Variants in ZNF729 observed in about 807,000 individuals in gnomAD.
The protein encoded by ZNF729 is zinc finger protein 729.
Under a neutral mutation model 12.2 loss-of-function variants are expected in ZNF729, and 15 were observed. The observed-to-expected ratio is 1.23, with a 90% confidence interval of 0.82 to 1.89. The LOEUF is 1.89. Ranked by LOEUF, ZNF729 falls within the 40% of genes most tolerant of loss-of-function variation. ZNF729 has a pLI of 0.00. For synonymous variants in ZNF729, 492 were observed against 476.3 expected (o/e 1.03, Z -0.43); for missense variants, 1,540 against 1,456.7 (o/e 1.06, Z -0.93).
In ZNF729 at chr19:22,314,578, G is replaced by A. The variant is rs756350745; in HGVS notation, c.1161G>A (p.Trp387Ter). The A allele has an allele frequency of 6.9e-5, 111 of 1,609,358 alleles. 1 individual carries two copies. Among genetic ancestry groups the A allele is most frequent in the Non-Finnish European group, 9.2e-5 (108 of 1,179,404 alleles). The change falls in exon 4 of 4, where the codon TGG becomes TGA. Residue 387 changes from tryptophan (W) to a stop codon, truncating the protein, a stop_gained. Transcript: ENST00000601693. LOFTEE classifies it low-confidence loss of function (END_TRUNC). ...KCEECGKAFKWSSKLTVHKVV... is the reference protein window; with the variant it reads ...KCEECGKAFK ...AAGAATGTGGTAAAGCTTTTAAGTG[G>A]TCTTCAAAACTTACTGTACATAAGG...
intron 3 of ZNF729, among the ~76,000 whole-genome samples, chr19:22,309,038 G>C (rs1418321991): frequency 6.6e-6 from 1 of 152,154 alleles, no homozygotes. Context: ...ATAGTTTCAG[G>C]TCTTAGATTT....
rs763634682 is a variant in ZNF729, at chr19:22,316,897, C to G, written c.3480C>G (p.Tyr1160Ter). Residue 1160 changes from tyrosine (Y) to a stop codon, truncating the protein, a stop_gained, in exon 4 of 4, where the codon TAC becomes TAG. Coordinates refer to ENST00000601693, the MANE Select transcript of ZNF729 (RefSeq NM_001242680.2). LOFTEE classifies it low-confidence loss of function (END_TRUNC). ...HKIIHSVEKP[Y>*]KCEECGKAFN... The stretch of plus-strand genomic sequence containing the variant: ...TAATTCATTCTGTAGAGAAACCCTA[C>G]AAATGTGAAGAATGTGGCAAAGCCT... 6.2e-7 allele frequency: 1 copy of G among 1,612,940 alleles called. No homozygotes were observed. Among genetic ancestry groups the G allele is most frequent in the Non-Finnish European group, 8.5e-7 (1 of 1,179,950 alleles).
Position 22,315,620 on chromosome 19 carries a change from A to T in ZNF729, c.2203A>T (p.Thr735Ser), listed in dbSNP as rs1968522450. ...ACTTACTGTACATAAGGTAATTCATACTGCAGAGAAACCCTGCAAATGTGA... is the reference window on the plus strand; with the variant it reads ...ACTTACTGTACATAAGGTAATTCATTCTGCAGAGAAACCCTGCAAATGTGA... ...SKLTVHKVIH[T>S]AEKPCKCEEC... Residue 735 changes from threonine (T) to serine (S), a missense_variant, in exon 4 of 4, where the codon ACT (threonine) becomes TCT (serine). Physicochemically the swap from Thr to Ser is moderately conservative, Grantham distance 58. Transcript: ENST00000601693. 1 of 1,609,120 alleles carries T rather than the reference A, an allele frequency of 6.2e-7. No individual in the cohort carries two copies. The highest frequency in any genetic ancestry group is 8.5e-7 in the Non-Finnish European group (1 of 1,179,154).
chr19:22,305,114 A>G (rs1008031484), intron 3 of ZNF729, among the ~76,000 whole-genome samples: 2 of 152,150 alleles, frequency 1.3e-5, no homozygotes, highest in Non-Finnish European at 2.9e-5. Context: ...TTGAGAAACT[A>G]TGTTAAAAGA....
intron 3 of ZNF729, among the ~76,000 whole-genome samples, chr19:22,307,724 CAA>C (rs1968397424): frequency 9.3e-6 from 1 of 107,232 alleles, no homozygotes; most frequent in South Asian, 3.1e-4. Context: ...GCCTGGGCAA[CAA>C]GAGCAAAACT....
chr19:22,299,686 A>G (rs1968279919), intron 1 of ZNF729: 1 of 152,822 alleles, frequency 6.5e-6, no homozygotes, highest in Admixed American at 6.6e-5. Context: ...ACAGTGAGAA[A>G]TTTTGGAGCT....
Position 22,315,723 on chromosome 19 carries a change from A to C in ZNF729, c.2306A>C (p.Lys769Thr). Residue 769 changes from lysine to threonine, a missense_variant, in exon 4 of 4, where the codon AAA becomes ACA. Lys to Thr is a moderately conservative substitution (Grantham distance 78). Transcript: ENST00000601693. ...ATTCATACTAGGGAGAAATTGTACAAATGTGAAGAATGTGTCAAAGCTTTT... is the reference window on the plus strand; with the variant it reads ...ATTCATACTAGGGAGAAATTGTACACATGTGAAGAATGTGTCAAAGCTTTT... ...KVIHTREKLY[K>T]CEECVKAFNS... 6.2e-7 allele frequency: 1 copy of C among 1,605,718 alleles called. No individual in the cohort carries two copies. The highest frequency in any genetic ancestry group is 8.5e-7 in the Non-Finnish European group (1 of 1,177,662).
intron 3 of ZNF729, among the ~76,000 whole-genome samples, chr19:22,312,440 T>TTGTGTGTGTGTG (rs138264785): frequency 0.075 from 10,802 of 144,468 alleles, 516 homozygotes; most frequent in East Asian, 0.12. Flanking sequence ...TTGTCTGAAA[T>TTGTGTGTGTGTG]TGTGTGTGTG....
At chr19:22,294,055 A>G (rs1488175297) in intron 1 of ZNF729, among the ~76,000 whole-genome samples, 5 of 152,132 alleles carry the variant, frequency 3.3e-5, no homozygotes, top group Non-Finnish European at 5.9e-5. Context: ...TCCCATGTCT[A>G]GAATGGTATT....
intron 1 of ZNF729, among the ~76,000 whole-genome samples, chr19:22,287,446 A>T (rs532235691): frequency 6.6e-6 from 1 of 151,820 alleles, no homozygotes; most frequent in South Asian, 2.1e-4. Flanking sequence ...TTGTATTTTT[A>T]GTAGAGACGG....
chr19:22,315,385 C>T lies in ZNF729; in HGVS notation c.1968C>T (p.Tyr656=), dbSNP rs1409647016. ...CAATTCATACTGGAGAGAAACCTTA[C>T]AAATGTGAAGAATGTGGCAAAGCTT... ...HKAIHTGEKP[Y]KCEECGKAFS... The change falls in exon 4 of 4, where the codon TAC becomes TAT. Residue 656 remains tyrosine, a synonymous_variant. Transcript: ENST00000601693. The T allele has an allele frequency of 1.9e-6, 3 of 1,613,434 alleles. No individual in the cohort carries two copies. The highest frequency in any genetic ancestry group is 2.7e-5 in the African/African-American group (2 of 74,914).
chr19:22,315,718 G>A lies in ZNF729; in HGVS notation c.2301G>A (p.Leu767=). The change falls in exon 4 of 4, where the codon TTG becomes TTA. Residue 767 remains leucine (L), a synonymous_variant. Coordinates refer to ENST00000601693, the MANE Select transcript of ZNF729 (RefSeq NM_001242680.2). ...KHKVIHTREK[L]YKCEECVKAF... ...AGGTAATTCATACTAGGGAGAAATTGTACAAATGTGAAGAATGTGTCAAAG... is the reference window on the plus strand; with the variant it reads ...AGGTAATTCATACTAGGGAGAAATTATACAAATGTGAAGAATGTGTCAAAG... The A allele has an allele frequency of 1.9e-6, 3 of 1,602,696 alleles. No homozygotes were observed. The South Asian group carries it at 3.3e-5, about 18-fold the overall frequency.
chr19:22,292,420 TTTG>T (rs1273210399), intron 1 of ZNF729, among the ~76,000 whole-genome samples: 36 of 152,308 alleles, frequency 2.4e-4, no homozygotes, highest in South Asian at 6.2e-4. Flanking sequence ...TGTACCATAT[TTTG>T]TTTTCATTAA....
chr19:22,294,170 T>G (rs151290878), intron 1 of ZNF729, among the ~76,000 whole-genome samples: 14 of 152,234 alleles, frequency 9.2e-5, no homozygotes, highest in Non-Finnish European at 1.9e-4. Flanking sequence ...GGGGTCCAGT[T>G]TCAATTTTCT....
intron 1 of ZNF729, among the ~76,000 whole-genome samples, chr19:22,290,193 C>G (rs1359249917): frequency 6.6e-6 from 1 of 152,262 alleles, no homozygotes; most frequent in Middle Eastern, 3.4e-3. Flanking sequence ...TGCAGATATT[C>G]CAGCCTGCTC....
In ZNF729 at chr19:22,316,261, C is replaced by T. The variant is rs1185954412; in HGVS notation, c.2844C>T (p.Ser948=). 2.5e-6 allele frequency: 4 copies of T among 1,613,552 alleles called. No individual in the cohort carries two copies. The African/African-American group carries it at 5.3e-5, about 22-fold the overall frequency. The stretch of plus-strand genomic sequence containing the variant: ...AATGTGGCAAAGCTTTTAATGATTC[C>T]TCAACCCTTATGAAGCATAAGATAA... ...CEECGKAFND[S]STLMKHKIIH... Residue 948 remains serine, a synonymous_variant, in exon 4 of 4, where the codon TCC becomes TCT. Coordinates refer to ENST00000601693, the MANE Select transcript of ZNF729 (RefSeq NM_001242680.2).
intron 1 of ZNF729, among the ~76,000 whole-genome samples, chr19:22,296,632 T>A (rs950948900): frequency 2.6e-5 from 4 of 152,168 alleles, no homozygotes; most frequent in East Asian, 1.9e-4. Flanking sequence ...TTATTTATTT[T>A]TTTTGTCTGC....
intron 1 of ZNF729, among the ~76,000 whole-genome samples, chr19:22,296,218 C>A (rs1480404253): frequency 1.3e-5 from 2 of 152,066 alleles, no homozygotes; most frequent in Non-Finnish European, 1.5e-5. Flanking sequence ...CTTCGTTTTA[C>A]GTCTGGTTGA....
chr19:22,307,800 G>GTTTT, intron 3 of ZNF729, among the ~76,000 whole-genome samples: 1 of 53,368 alleles, frequency 1.9e-5, no homozygotes, highest in African/African-American at 6.3e-5. Context: ...AAAGCTCTGT[G>GTTTT]TTTTTTTTTT....
Sources: gnomAD v4.1 joint callset for allele counts (sites outside exome capture counted in the v4.1 genomes callset) on GRCh38, gnomAD v4.1.1 for gene constraint, MANE v1.5 for transcripts, NCBI Gene and HGNC (gene_info 2026-07-23, HGNC 2026-07-21) for gene names.